CD96: variants seen among roughly 807,000 people sequenced by gnomAD.
CD96 encodes T-cell surface protein tactile.
In CD96, 70 loss-of-function variants were observed where a neutral mutation model predicts 71.3. That is an observed-to-expected ratio of 0.98 (90% confidence interval 0.81 to 1.20). The LOEUF (loss-of-function observed/expected upper bound fraction) is 1.20. Among genes scored for constraint, CD96 ranks in the 50% most tolerant of loss-of-function variants. The pLI is 0.00. For missense variants in CD96, 742 were observed against 677.5 expected (o/e 1.10, Z -1.06); for synonymous variants, 248 against 233.0 (o/e 1.06, Z -0.59).
downstream of CD96, among the ~76,000 whole-genome samples, chr3:111,655,483 T>G (rs1940206988): frequency 6.6e-6 from 1 of 152,072 alleles, no homozygotes; most frequent in African/African-American, 2.4e-5. Flanking sequence ...AAGAAAAAGG[T>G]ATGATTTCAG....
chr3:111,602,629 T>A (rs528046569), intron 7 of CD96, among the ~76,000 whole-genome samples: 2 of 152,334 alleles, frequency 1.3e-5, no homozygotes, highest in African/African-American at 2.4e-5. Context: ...GTATTATGTC[T>A]CCCTATTGTT....
intron 6 of CD96, among the ~76,000 whole-genome samples, chr3:111,598,642 C>CT (rs1424837159): frequency 1.3e-5 from 2 of 152,106 alleles, no homozygotes; most frequent in African/African-American, 4.8e-5. Context: ...TAATTTCTAC[C>CT]TTTTTATGTG....
chr3:111,584,239 T>C (rs1412310188), intron 4 of CD96, among the ~76,000 whole-genome samples: 1 of 152,198 alleles, frequency 6.6e-6, no homozygotes, highest in Non-Finnish European at 1.5e-5. Context: ...AACAAGTTCC[T>C]CATCTCTATC....
rs1938979315 is a variant in CD96, at chr3:111,630,037, C to A, written c.1321+5633C>A. 1.3e-5 allele frequency among the ~76,000 whole-genome samples: 2 copies of A among 152,100 alleles called. 1 individual carries two copies. Among genetic ancestry groups the A allele is most frequent in the South Asian group, 4.1e-4 (2 of 4,828 alleles). The stretch of plus-strand genomic sequence containing the variant: ...AGTGCTAAGAAGGAAATCGATAGCA[C>A]TAAATGCTCACATCAAAAAGCTAGA... On this transcript the variant is annotated intron_variant, in intron 10 of 13. Coordinates refer to ENST00000352690, the MANE Select transcript of CD96 (RefSeq NM_005816.5).
At chr3:111,580,004 A>G (rs1936395700) in intron 4 of CD96, among the ~76,000 whole-genome samples, 1 of 152,218 alleles carries the variant, frequency 6.6e-6, no homozygotes, top group Non-Finnish European at 1.5e-5. Flanking sequence ...TTAGTTGTCT[A>G]ATTGTCTTAG....
intron 8 of CD96, among the ~76,000 whole-genome samples, chr3:111,622,435 A>C (rs1576402152): frequency 6.6e-6 from 1 of 152,354 alleles, no homozygotes; most frequent in East Asian, 1.9e-4. Flanking sequence ...TTAATCATGA[A>C]GCCACGGTGT....
At chr3:111,550,186 A>G (rs1934624486) in intron 2 of CD96, among the ~76,000 whole-genome samples, 1 of 152,192 alleles carries the variant, frequency 6.6e-6, no homozygotes, top group South Asian at 2.1e-4. Flanking sequence ...AGAAGATAAA[A>G]TAGTTATTCG....
chr3:111,630,520 C>G (rs1286374567), intron 10 of CD96, among the ~76,000 whole-genome samples: 1 of 152,028 alleles, frequency 6.6e-6, no homozygotes, highest in Non-Finnish European at 1.5e-5. Flanking sequence ...TAATTAATAG[C>G]CTACTAACCA....
chr3:111,599,190 G>A (rs1408985967), intron 6 of CD96, among the ~76,000 whole-genome samples: 1 of 151,802 alleles, frequency 6.6e-6, no homozygotes, highest in East Asian at 1.9e-4. Flanking sequence ...GGATGGTCTC[G>A]ATCTCCTGAC....
chr3:111,603,083 G>T (rs1423180142), intron 7 of CD96, among the ~76,000 whole-genome samples: 1 of 152,046 alleles, frequency 6.6e-6, no homozygotes, highest in Non-Finnish European at 1.5e-5. Flanking sequence ...GCAGCTATTT[G>T]TGCACTAGGA....
chr3:111,571,970 G>A (rs1304223908), intron 3 of CD96, among the ~76,000 whole-genome samples: 1 of 152,138 alleles, frequency 6.6e-6, no homozygotes, highest in Non-Finnish European at 1.5e-5. Context: ...ACATCCCACA[G>A]CAAGGAAGTA....
chr3:111,554,737 G>T (rs1457531307), intron 2 of CD96, among the ~76,000 whole-genome samples: 1 of 152,002 alleles, frequency 6.6e-6, no homozygotes, highest in Non-Finnish European at 1.5e-5. Flanking sequence ...GGGATGGTTT[G>T]GGGATGATTC....
chr3:111,574,491 A>G (rs561343429), intron 3 of CD96, among the ~76,000 whole-genome samples: 30 of 152,328 alleles, frequency 2.0e-4, no homozygotes, highest in African/African-American at 6.7e-4. Flanking sequence ...TTCCTGTTCT[A>G]AATTGAAAAT....
chr3:111,577,561 G>C, intron 3 of CD96: 1 of 1,560,920 alleles, frequency 6.4e-7, no homozygotes, highest in Admixed American at 1.7e-5. Context: ...TATGTAAATT[G>C]CTGCAGGAAA....
intron 12 of CD96, among the ~76,000 whole-genome samples, chr3:111,643,585 A>G (rs982451084): frequency 1.3e-5 from 2 of 152,084 alleles, no homozygotes; most frequent in African/African-American, 4.8e-5. Flanking sequence ...AACCCTAAGG[A>G]CTCCTCTAGA....
intron 7 of CD96, among the ~76,000 whole-genome samples, chr3:111,605,864 A>G (rs1937609165): frequency 6.6e-6 from 1 of 152,232 alleles, no homozygotes; most frequent in Non-Finnish European, 1.5e-5. Flanking sequence ...AATAATTGAT[A>G]TATATCAGCA....
chr3:111,556,676 T>C (rs2107507160), intron 2 of CD96, among the ~76,000 whole-genome samples: 1 of 141,794 alleles, frequency 7.1e-6, no homozygotes, highest in Non-Finnish European at 1.5e-5. Flanking sequence ...CGTGTGCATG[T>C]GTCTTTATAG....
chr3:111,616,851 C>G (rs556945592), intron 8 of CD96, among the ~76,000 whole-genome samples: 15 of 152,148 alleles, frequency 9.9e-5, no homozygotes, highest in African/African-American at 3.6e-4. Flanking sequence ...TTCAGGGCAG[C>G]TGCAGCCACC....
chr3:111,614,433 A>G (rs1457697034), intron 8 of CD96, among the ~76,000 whole-genome samples: 1 of 152,152 alleles, frequency 6.6e-6, no homozygotes, highest in Non-Finnish European at 1.5e-5. Flanking sequence ...AAAAATTGCC[A>G]TATTGACTTC....
Sources: allele counts gnomAD v4.1 joint callset (sites outside exome capture counted in the v4.1 genomes callset), GRCh38; gene constraint gnomAD v4.1.1; transcripts MANE v1.5; gene names NCBI Gene and HGNC (gene_info 2026-07-23, HGNC 2026-07-21).